The following PRKDC variants were observed in gnomAD, a reference collection of about 807,000 sequenced individuals.
PRKDC encodes DNA-dependent protein kinase catalytic subunit.
A neutral mutation model predicts 486.9 loss-of-function variants in PRKDC; 82 were observed. That is an observed-to-expected ratio of 0.17 (90% CI 0.14 to 0.20). PRKDC has a LOEUF of 0.20. Ranked by LOEUF, PRKDC falls within the 10% of genes least tolerant of loss-of-function variation. The pLI is 1.00. For synonymous variants in PRKDC, 1,895 were observed against 1,837.0 expected (o/e 1.03, Z -0.81); for missense variants, 4,504 against 5,038.2 (o/e 0.89, Z 3.21).
At chr8:47,881,647 T>C in intron 37 of PRKDC, 127 bp from the exon 38 acceptor site, 1 of 646,746 alleles carries the variant, frequency 1.5e-6, no homozygotes, top group Non-Finnish European at 2.6e-6. Context: ...AATAATATTT[T>C]CACAATCTTA....
intron 3 of PRKDC, among the ~76,000 whole-genome samples, chr8:47,956,663 A>G (rs2090707221): frequency 6.6e-6 from 1 of 152,072 alleles, no homozygotes; most frequent in African/African-American, 2.4e-5. Context: ...TGATTGCACC[A>G]CTGCACTCCA....
At chr8:47,949,087 C>T (rs1244575879) in intron 7 of PRKDC, among the ~76,000 whole-genome samples, 2 of 152,226 alleles carry the variant, frequency 1.3e-5, no homozygotes, top group Non-Finnish European at 2.9e-5. Flanking sequence ...ACTTCTCCAG[C>T]CTCCAGAGGC....
chr8:47,854,854 C>T (rs2088496410), intron 50 of PRKDC, among the ~76,000 whole-genome samples: 1 of 152,264 alleles, frequency 6.6e-6, no homozygotes, highest in South Asian at 2.1e-4. Flanking sequence ...AATTATTTGC[C>T]TAAATTCTCC....
intron 69 of PRKDC, among the ~76,000 whole-genome samples, chr8:47,804,362 C>A (rs1302269184): frequency 1.3e-5 from 2 of 148,706 alleles, no homozygotes; most frequent in African/African-American, 5.0e-5. Context: ...TGCAATGGCA[C>A]AATCTCGGCT....
At chr8:47,896,017 C>T (rs977927051) in intron 30 of PRKDC, among the ~76,000 whole-genome samples, 13 of 150,056 alleles carry the variant, frequency 8.7e-5, no homozygotes, top group African/African-American at 2.7e-4. Context: ...CTAGCCCAGG[C>T]GACAGAGCAA....
At chr8:47,827,663 C>T (rs1035460914) in intron 62 of PRKDC, among the ~76,000 whole-genome samples, 1 of 152,208 alleles carries the variant, frequency 6.6e-6, no homozygotes, top group Admixed American at 6.5e-5. Context: ...AGTACTATGA[C>T]ACTTAACTAC....
At chr8:47,862,183 G>A (rs2088693795) in intron 43 of PRKDC, 56 bp from the exon 44 acceptor site, 16 of 1,462,312 alleles carry the variant, frequency 1.1e-5, no homozygotes, top group African/African-American at 1.4e-5. Flanking sequence ...CCTCATAATC[G>A]ATGTTACTTT....
At chr8:47,798,160 A>G in intron 73 of PRKDC, 77 bp downstream of exon 73, 1 of 1,455,458 alleles carries the variant, frequency 6.9e-7, no homozygotes, top group Non-Finnish European at 9.4e-7. Context: ...TGCACACACT[A>G]ACGCGTTTGA....
chr8:47,794,333 T>C lies in PRKDC; in HGVS notation c.10627A>G (p.Lys3543Glu). Residue 3543 changes from lysine to glutamate, a missense_variant, in exon 74 of 86, where the codon AAG becomes GAG. Lys to Glu is a moderately conservative substitution (Grantham distance 56). Coordinates refer to ENST00000314191, the MANE Select transcript of PRKDC (RefSeq NM_006904.7). ...TTCTTATGACCAGTAGAAGTATCCT[T>C]GAAGGAATAGCTTTCGCTGCTTATG... Reference protein sequence around the residue: ...FIISSESYSFKDTSTGHKNKE... With the variant: ...FIISSESYSFEDTSTGHKNKE... 1 of 1,613,572 alleles carries C rather than the reference T, an allele frequency of 6.2e-7. No individual in the cohort carries two copies.
intron 54 of PRKDC, among the ~76,000 whole-genome samples, chr8:47,843,995 CA>C (rs2088210756): frequency 6.6e-6 from 1 of 152,198 alleles, no homozygotes; most frequent in African/African-American, 2.4e-5. Flanking sequence ...GTTAAGTCTA[CA>C]AAACAACCAG....
intron 32 of PRKDC, 96 bp from the exon 33 acceptor site, chr8:47,889,318 A>C: frequency 9.6e-7 from 1 of 1,044,028 alleles, no homozygotes; most frequent in Non-Finnish European, 1.4e-6. Context: ...CTGCCTGACT[A>C]AGGGAGAGGT....
At position 47,785,248 on chromosome 8, in the gene PRKDC, C is replaced by T. The variant is rs2086772248; in HGVS notation, c.10972G>A (p.Asp3658Asn). ...AGCATGTTGGTAATGTCGTTGAAGT[C>T]ACTGAGCTTCATTCTCAGTAGTTTA... ...GSKLLRMKLS[D>N]FNDITNMLLL... Residue 3658 changes from aspartate (D) to asparagine (N), a missense_variant, in exon 77 of 86, where the codon GAC becomes AAC. Physicochemically the swap from Asp to Asn is conservative, Grantham distance 23. Transcript: ENST00000314191. 1 of 1,613,356 alleles carries T rather than the reference C, an allele frequency of 6.2e-7. No individual in the cohort carries two copies. Among genetic ancestry groups the T allele is most frequent in the African/African-American group, 1.3e-5 (1 of 74,920 alleles).
At chr8:47,954,491 G>A in intron 4 of PRKDC, 45 bp from the exon 5 acceptor site, 1 of 722,126 alleles carries the variant, frequency 1.4e-6, no homozygotes, top group South Asian at 3.2e-5. Context: ...CGGGAATCAA[G>A]AAAAAAAACA....
chr8:47,837,438 AAAGTATATTGCTTAG>A lies in PRKDC; in HGVS notation c.7554-34_7554-20del. On this transcript the variant is annotated intron_variant, in intron 56 of 85. Coordinates refer to ENST00000314191, the MANE Select transcript of PRKDC (RefSeq NM_006904.7). ...AATTAATCTGAAAAGCAAAGAGAAA[AAAGTATATTGCTTAG>A]ACAATGGCAAATGGGAAAGAATGTG... The A allele has an allele frequency of 6.4e-7, 1 of 1,556,198 alleles. No individual in the cohort carries two copies. Among genetic ancestry groups the A allele is most frequent in the Non-Finnish European group, 8.8e-7 (1 of 1,130,160 alleles).
Position 47,915,396 on chromosome 8 carries a change from T to C in PRKDC, c.2549A>G (p.Glu850Gly). 5.8e-6 allele frequency: 9 copies of C among 1,557,866 alleles called. No individual in the cohort carries two copies. Among genetic ancestry groups the C allele is most frequent in the South Asian group, 1.2e-5 (1 of 84,582 alleles). Residue 850 changes from glutamate (E) to glycine (G), a missense_variant, in exon 23 of 86, where the codon GAA (glutamate) becomes GGA (glycine). Glu to Gly is a moderately conservative substitution (Grantham distance 98). Around this residue, in one of 6 missense-constraint regions of PRKDC, gnomAD observed 1,969 missense variants for 2,068.9 expected, o/e 0.95. Coordinates refer to ENST00000314191, the MANE Select transcript of PRKDC (RefSeq NM_006904.7). ...LSSNEAISLE[E>G]IRIRVVQMLG... ...CATTTGTACTACTCTAATTCTTATT[T>C]CTTCTAAGGATATTGCTTCGTTCTG...
intron 5 of PRKDC, 93 bp from the exon 6 acceptor site, chr8:47,954,012 A>G: frequency 1.4e-6 from 1 of 728,818 alleles, no homozygotes; most frequent in Non-Finnish European, 2.1e-6. Context: ...AATAAAATAA[A>G]GTTCAAAATT....
At chr8:47,939,366 T>C (rs1215648943) in intron 11 of PRKDC, among the ~76,000 whole-genome samples, 185 bp downstream of exon 11, 2 of 152,224 alleles carry the variant, frequency 1.3e-5, no homozygotes, top group Non-Finnish European at 2.9e-5. Flanking sequence ...GCACACACTG[T>C]ATTTTTGATC....
intron 52 of PRKDC, among the ~76,000 whole-genome samples, chr8:47,851,006 C>A (rs2088391065): frequency 6.6e-6 from 1 of 152,142 alleles, no homozygotes; most frequent in African/African-American, 2.4e-5. Context: ...GGCAGGGTTT[C>A]ACTATGTTGG....
Position 47,807,775 on chromosome 8 carries a change from G to A in PRKDC, c.9558-449C>T, listed in dbSNP as rs185747620. ...CTGTCGCCCAGGATGGAGTGCAGTGGCACGATCTCGACTTACTGCAACCTC... is the reference window on the plus strand; with the variant it reads ...CTGTCGCCCAGGATGGAGTGCAGTGACACGATCTCGACTTACTGCAACCTC... On this transcript the variant is annotated intron_variant, in intron 68 of 85. Coordinates refer to ENST00000314191, the MANE Select transcript of PRKDC (RefSeq NM_006904.7). 1.2e-4 allele frequency among the ~76,000 whole-genome samples: 18 copies of A among 151,798 alleles called. No homozygotes were observed. The South Asian group carries it at 1.2e-3, about 11-fold the overall frequency.
Sources: allele counts gnomAD v4.1 joint callset (sites outside exome capture counted in the v4.1 genomes callset), GRCh38; gene constraint gnomAD v4.1.1; regional missense constraint gnomAD v4.1.1; transcripts MANE v1.5; gene names NCBI Gene and HGNC (gene_info 2026-07-23, HGNC 2026-07-21).